TMEM200A: variants seen among roughly 807,000 people sequenced by gnomAD.
TMEM200A encodes two transmembrane C.
In TMEM200A, 12 loss-of-function variants were observed where a neutral mutation model predicts 24.3. The ratio of observed to expected loss-of-function variants is 0.49; its 90% confidence interval spans 0.32 to 0.80. The LOEUF (loss-of-function observed/expected upper bound fraction) is 0.80. TMEM200A is among the 30% of genes least tolerant of loss of function. TMEM200A has a pLI of 0.04. For missense variants in TMEM200A, 545 were observed against 614.4 expected, an observed-to-expected ratio of 0.89 and a Z score of 1.19; for synonymous variants, 224 against 224.4, an observed-to-expected ratio of 1.00 and a Z score of 0.02.
At chr6:130,430,678 G>A (rs1779854330) in intron 2 of TMEM200A, among the ~76,000 whole-genome samples, 1 of 151,988 alleles carries the variant, frequency 6.6e-6, no homozygotes, top group Non-Finnish European at 1.5e-5. Context: ...ATTTACAAGT[G>A]GAATAGATCA....
chr6:130,403,141 T>C (rs1316534338), intron 2 of TMEM200A, among the ~76,000 whole-genome samples: 1 of 152,108 alleles, frequency 6.6e-6, no homozygotes, highest in East Asian at 1.9e-4. Context: ...ATTTGGATAG[T>C]AGATGGTCCC....
At chr6:130,423,277 A>G (rs1435341293) in intron 2 of TMEM200A, among the ~76,000 whole-genome samples, 1 of 152,130 alleles carries the variant, frequency 6.6e-6, no homozygotes, top group African/African-American at 2.4e-5. Context: ...AGCTGTGTAT[A>G]TTTTGGTATC....
intron 1 of TMEM200A, among the ~76,000 whole-genome samples, chr6:130,379,426 T>C (rs1459703302): frequency 6.6e-6 from 1 of 152,138 alleles, no homozygotes; most frequent in Non-Finnish European, 1.5e-5. Flanking sequence ...TTATGCTGAA[T>C]GTGGTGGCCA....
chr6:130,442,570 A>G lies in TMEM200A; in HGVS notation c.*672A>G, dbSNP rs1039681075. ...GATATACTTAGGGATAAACATCAAA[A>G]TGCAATTATAGTTGCTATAACGTTA... On this transcript the variant is annotated 3_prime_UTR_variant, in exon 3 of 3. Transcript: ENST00000296978. 6.0e-6 allele frequency: 1 copy of G among 166,868 alleles called. No individual in the cohort carries two copies. Among genetic ancestry groups the G allele is most frequent in the African/African-American group, 2.4e-5 (1 of 41,476 alleles). The allele number at this position is 166,868 out of a possible 1,614,324, so 10.3% of individuals were successfully genotyped here.
intron 1 of TMEM200A, among the ~76,000 whole-genome samples, chr6:130,371,757 T>C (rs1004499189): frequency 9.2e-5 from 14 of 152,202 alleles, no homozygotes; most frequent in African/African-American, 3.4e-4. Flanking sequence ...GTTGAACAGA[T>C]GGGCAGATCA....
rs545082599 is a variant in TMEM200A, at chr6:130,378,547, C to A, written c.-80-6626C>A. Among the ~76,000 whole-genome samples the A allele has an allele frequency of 4.0e-5, 6 of 151,652 alleles. No individual in the cohort carries two copies. The South Asian group carries it at 1.3e-3, about 32-fold the overall frequency. On this transcript the variant is annotated intron_variant, in intron 1 of 2. Coordinates refer to ENST00000296978, the MANE Select transcript of TMEM200A (RefSeq NM_001258277.2). ...GACCATCCTGGCTAACATCGTGAAA[C>A]CCCATCTCTGCTAAAAAATACAAAA...
At chr6:130,414,481 T>C (rs1311573268) in intron 2 of TMEM200A, among the ~76,000 whole-genome samples, 4 of 150,310 alleles carry the variant, frequency 2.7e-5, no homozygotes, top group Non-Finnish European at 3.0e-5. Flanking sequence ...ATTAGGTATA[T>C]GAAACACTTT....
At position 130,441,048 on chromosome 6, in the gene TMEM200A, C is replaced by T. The variant is rs145944902; in HGVS notation, c.626C>T (p.Thr209Met). The change falls in exon 3 of 3, where the codon ACG becomes ATG. Residue 209 changes from threonine to methionine, a missense_variant. Coordinates refer to ENST00000296978, the MANE Select transcript of TMEM200A (RefSeq NM_001258277.2). ...SSCASRLAAN[T>M]IASFSGFRSS... ...TGTGCCTCGAGATTGGCAGCAAATA[C>T]GATCGCCTCTTTCTCGGGTTTTCGG... 2.5e-5 allele frequency: 41 copies of T among 1,613,768 alleles called. No individual in the cohort carries two copies. The highest frequency in any genetic ancestry group is 8.3e-5 in the Admixed American group (5 of 59,986).
chr6:130,441,495 A>T lies in TMEM200A; in HGVS notation c.1073A>T (p.Gln358Leu). The T allele has an allele frequency of 6.2e-7, 1 of 1,614,076 alleles. No individual in the cohort carries two copies. The highest frequency in any genetic ancestry group is 8.5e-7 in the Non-Finnish European group (1 of 1,179,988). ...NNSIGESLSS[Q>L]YKSSMALGPG... is the part of the protein sequence containing the mutation. ...TCCATTGGGGAGTCGTTGTCGAGTCAGTACAAGTCATCTATGGCTCTCGGA... is the reference window on the plus strand; with the variant it reads ...TCCATTGGGGAGTCGTTGTCGAGTCTGTACAAGTCATCTATGGCTCTCGGA... Residue 358 changes from glutamine (Q) to leucine (L), a missense_variant, in exon 3 of 3, where the codon CAG becomes CTG. By Grantham distance (113) the Gln-to-Leu change is moderately radical. Coordinates refer to ENST00000296978, the MANE Select transcript of TMEM200A (RefSeq NM_001258277.2).
intron 2 of TMEM200A, among the ~76,000 whole-genome samples, chr6:130,431,549 G>C (rs1412713828): frequency 6.6e-6 from 1 of 152,172 alleles, no homozygotes; most frequent in Non-Finnish European, 1.5e-5. Context: ...GGGATGTGGG[G>C]TGGAAAGCAT....
intron 1 of TMEM200A, chr6:130,382,959 C>T (rs969492049): frequency 4.3e-6 from 4 of 934,968 alleles, no homozygotes; most frequent in Admixed American, 6.2e-5. Context: ...ACCTGCTTTG[C>T]CTCCCTAGTG....
intron 1 of TMEM200A, among the ~76,000 whole-genome samples, chr6:130,380,345 C>T (rs1367332735): frequency 6.6e-6 from 1 of 152,162 alleles, no homozygotes; most frequent in African/African-American, 2.4e-5. Context: ...TTTAAAGCAT[C>T]TGCAGGCTTA....
chr6:130,421,976 T>G (rs551855657), intron 2 of TMEM200A, among the ~76,000 whole-genome samples: 2 of 152,314 alleles, frequency 1.3e-5, no homozygotes, highest in South Asian at 4.1e-4. Flanking sequence ...TTTAGGTTGA[T>G]TCTATATATC....
chr6:130,392,133 C>T (rs1778849155), intron 2 of TMEM200A, among the ~76,000 whole-genome samples: 1 of 152,120 alleles, frequency 6.6e-6, no homozygotes, highest in South Asian at 2.1e-4. Context: ...TACAGATTAC[C>T]TACCCTCTAT....
upstream of TMEM200A, chr6:130,365,667 G>C: frequency 1.0e-6 from 1 of 985,492 alleles, no homozygotes; most frequent in South Asian, 4.7e-5. Flanking sequence ...CCCACGGGTG[G>C]GTGTGTCCGT....
intron 2 of TMEM200A, among the ~76,000 whole-genome samples, chr6:130,389,017 AAGT>A (rs1778775014): frequency 6.6e-6 from 1 of 152,342 alleles, no homozygotes; most frequent in Admixed American, 6.5e-5. Context: ...TATAATATGA[AAGT>A]AGCACTACGG....
chr6:130,387,603 C>G (rs911874312), intron 2 of TMEM200A, among the ~76,000 whole-genome samples: 2 of 152,200 alleles, frequency 1.3e-5, no homozygotes, highest in Non-Finnish European at 2.9e-5. Context: ...GTAAACAACT[C>G]TTTTCTTTTC....
In TMEM200A at chr6:130,440,868, A is replaced by G; in HGVS notation, c.446A>G (p.Glu149Gly). ...IFICANAILH[E>G]NRDKETKIIH... The stretch of plus-strand genomic sequence containing the variant: ...ATTTGTGCTAATGCCATTCTTCATG[A>G]AAACCGTGACAAAGAGACCAAAATC... Residue 149 changes from glutamate to glycine, a missense_variant, in exon 3 of 3, where the codon GAA becomes GGA. Glu to Gly is a moderately conservative substitution (Grantham distance 98). Coordinates refer to ENST00000296978, the MANE Select transcript of TMEM200A (RefSeq NM_001258277.2). 1 of 1,614,068 alleles carries G rather than the reference A, an allele frequency of 6.2e-7. No individual in the cohort carries two copies. The highest frequency in any genetic ancestry group is 8.5e-7 in the Non-Finnish European group (1 of 1,179,990).
At chr6:130,387,697 G>T (rs1244634583) in intron 2 of TMEM200A, among the ~76,000 whole-genome samples, 1 of 152,158 alleles carries the variant, frequency 6.6e-6, no homozygotes, top group Non-Finnish European at 1.5e-5. Context: ...ACTCAAATAT[G>T]TTAAGGGAAT....
Sources: gnomAD v4.1 joint callset for allele counts (sites outside exome capture counted in the v4.1 genomes callset) on GRCh38, gnomAD v4.1.1 for gene constraint, MANE v1.5 for transcripts, NCBI Gene and HGNC (gene_info 2026-07-23, HGNC 2026-07-21) for gene names.